FBXO31: variants seen among roughly 807,000 people sequenced by gnomAD.
The protein encoded by FBXO31 is F-box only protein 31.
Under a neutral mutation model 54.4 loss-of-function variants are expected in FBXO31, and 24 were observed. The ratio of observed to expected loss-of-function variants is 0.44; its 90% CI spans 0.32 to 0.62. The LOEUF is 0.62. Among genes scored for constraint, FBXO31 ranks in the 20% least tolerant of loss-of-function variants. FBXO31 has a pLI of 0.05. For missense variants in FBXO31, 665 were observed against 787.1 expected (o/e 0.84, Z 1.86); for synonymous variants, 388 against 335.6 (o/e 1.16, Z -1.71).
intron 2 of FBXO31, among the ~76,000 whole-genome samples, chr16:87,351,329 T>C (rs954105288): frequency 1.1e-4 from 16 of 152,148 alleles, no homozygotes; most frequent in African/African-American, 3.6e-4. Context: ...GCCTCACCAT[T>C]TTTATTATAA....
rs1905054116 is a variant in FBXO31 at position 87,336,660 on chromosome 16, T to C, written c.733-396A>G. Among the ~76,000 whole-genome samples, 1 of 152,190 alleles carries C rather than the reference T, an allele frequency of 6.6e-6. No homozygotes were observed. Among genetic ancestry groups the C allele is most frequent in the Non-Finnish European group, 1.5e-5 (1 of 68,024 alleles). Reference sequence around the variant, plus strand: ...TGCACAGCACAGCCCCTCAGCCTGCTTCTCTGGCTCCTGGGAGCCTGAGTG... The same window carrying C: ...TGCACAGCACAGCCCCTCAGCCTGCCTCTCTGGCTCCTGGGAGCCTGAGTG... On this transcript the variant is annotated intron_variant, in intron 5 of 8. Transcript: ENST00000311635. The surrounding 1 kb of genome is among the most constrained non-coding windows in gnomAD (Gnocchi z 6.5).
chr16:87,347,294 GT>G, intron 2 of FBXO31, 44 bp from the exon 3 acceptor site: 1 of 1,573,410 alleles, frequency 6.4e-7, no homozygotes, highest in Non-Finnish European at 8.7e-7. Context: ...TAGACCCAGC[GT>G]GCCGCAGGGA....
intron 2 of FBXO31, among the ~76,000 whole-genome samples, chr16:87,357,322 C>T (rs183896708): frequency 4.8e-4 from 70 of 146,566 alleles, no homozygotes; most frequent in African/African-American, 1.6e-3. Flanking sequence ...CAAAAGAATT[C>T]GGTTCTTTTT....
At chr16:87,390,581 C>CA (rs1423860068), upstream of FBXO31, among the ~76,000 whole-genome samples, 2 of 151,576 alleles carry the variant, frequency 1.3e-5, no homozygotes, top group Non-Finnish European at 2.9e-5. Flanking sequence ...GCTGGGATTA[C>CA]AGGCGCCTGC....
Position 87,383,436 on chromosome 16 carries a change from G to C in FBXO31, c.309C>G (p.Thr103=), listed in dbSNP as rs1196982261. 1.9e-6 allele frequency: 3 copies of C among 1,582,810 alleles called. No individual in the cohort carries two copies. The South Asian group carries it at 3.5e-5, about 18-fold the overall frequency. The change falls in exon 1 of 9, where the codon ACC becomes ACG. Residue 103 remains threonine, a synonymous_variant. Coordinates refer to ENST00000311635, the MANE Select transcript of FBXO31 (RefSeq NM_024735.5). The surrounding 1 kb of genome is among the most constrained non-coding windows in gnomAD (Gnocchi z 4.9). ...VCTKFRRILH[T]DTIWRRRCRE... ...GGCAACGCCTCCTCCAGATGGTGTC[G>C]GTGTGGAGGATGCGCCGGAACTTCG...
intron 1 of FBXO31, chr16:87,388,860 G>C (rs1172262549): frequency 6.6e-6 from 1 of 152,204 alleles, no homozygotes; most frequent in African/African-American, 2.4e-5. Context: ...AAAACACTGA[G>C]TAAATTAAAA....
chr16:87,331,387 G>C lies in FBXO31; in HGVS notation c.1521C>G (p.Ser507Arg). 6.2e-7 allele frequency: 1 copy of C among 1,613,964 alleles called. No homozygotes were observed. Among genetic ancestry groups the C allele is most frequent in the Non-Finnish European group, 8.5e-7 (1 of 1,180,042 alleles). Reference protein sequence around the residue: ...GFVWLELKSFSLYSRVQATFR... With the variant: ...GFVWLELKSFRLYSRVQATFR... Reference sequence around the variant, plus strand: ...AGGTGGCCTGGACCCGGCTGTACAGGCTGAAGGATTTCAGCTCCAGCCAGA... The same window carrying C: ...AGGTGGCCTGGACCCGGCTGTACAGCCTGAAGGATTTCAGCTCCAGCCAGA... The change falls in exon 9 of 9, where the codon AGC (serine) becomes AGG (arginine). Residue 507 changes from serine (S) to arginine (R), a missense_variant. Ser to Arg is a moderately radical substitution (Grantham distance 110). This residue lies in a region of FBXO31 where 71 missense variants were observed against 105.8 expected (regional missense o/e 0.67). Transcript: ENST00000311635.
chr16:87,331,443 T>C lies in FBXO31; in HGVS notation c.1465A>G (p.Ile489Val). ...TSPERTPGVFILFDEDRFGFV... is the reference protein window; with the variant it reads ...TSPERTPGVFVLFDEDRFGFV... ...CCGAAGCGGTCCTCATCGAAGAGGA[T>C]GAAGACCCCGGGGGTGCGTTCAGGG... Residue 489 changes from isoleucine (I) to valine (V), a missense_variant, in exon 9 of 9, where the codon ATC (isoleucine) becomes GTC (valine). By Grantham distance (29) the Ile-to-Val change is conservative. This residue lies in a region of FBXO31 where 71 missense variants were observed against 105.8 expected (regional missense o/e 0.67). Transcript: ENST00000311635. 1 of 1,613,714 alleles carries C rather than the reference T, an allele frequency of 6.2e-7. No individual in the cohort carries two copies. Among genetic ancestry groups the C allele is most frequent in the Non-Finnish European group, 8.5e-7 (1 of 1,179,962 alleles).
At chr16:87,373,658 G>A (rs541475046) in intron 1 of FBXO31, among the ~76,000 whole-genome samples, 329 of 151,960 alleles carry the variant, frequency 2.2e-3, no homozygotes, top group South Asian at 8.5e-3. Context: ...TCAGCCTCCG[G>A]AGGAACTGGG....
chr16:87,361,691 T>C (rs1234132930), intron 1 of FBXO31, among the ~76,000 whole-genome samples: 1 of 152,204 alleles, frequency 6.6e-6, no homozygotes, highest in East Asian at 1.9e-4. Context: ...CATCCCTTCT[T>C]TTCAATAGCA....
At chr16:87,349,581 A>C (rs1299744730) in intron 2 of FBXO31, among the ~76,000 whole-genome samples, 1 of 152,128 alleles carries the variant, frequency 6.6e-6, no homozygotes, top group Admixed American at 6.6e-5. Context: ...CATAGTGGCA[A>C]GTGCCTGTAA....
rs934289020 is a variant in FBXO31, at chr16:87,383,048, C to G, written c.340+357G>C. Among the ~76,000 whole-genome samples, 1 of 152,128 alleles carries G rather than the reference C, an allele frequency of 6.6e-6. No homozygotes were observed. Among genetic ancestry groups the G allele is most frequent in the Non-Finnish European group, 1.5e-5 (1 of 68,002 alleles). On this transcript the variant is annotated intron_variant, in intron 1 of 8. Coordinates refer to ENST00000311635, the MANE Select transcript of FBXO31 (RefSeq NM_024735.5). The surrounding 1 kb of genome is among the most constrained non-coding windows in gnomAD (Gnocchi z 4.9). ...CCCCCAGGCGTCAGCTTAGGCCCCG[C>G]GCAGACCTCGAGGGATCCCAGCCCC... is the stretch of plus-strand genomic sequence containing the variant.
intron 1 of FBXO31, chr16:87,362,683 C>A (rs1378505513): frequency 6.6e-6 from 1 of 152,390 alleles, no homozygotes; most frequent in Non-Finnish European, 1.5e-5. Context: ...GCCTCACCCT[C>A]CTGAGTAGCT....
chr16:87,364,082 T>C (rs1226244072), intron 1 of FBXO31, among the ~76,000 whole-genome samples: 2 of 152,078 alleles, frequency 1.3e-5, no homozygotes, highest in East Asian at 1.9e-4. Flanking sequence ...TCCATTATAA[T>C]CTTATTTTGG....
chr16:87,384,040 A>G (rs1907228402), upstream of FBXO31: 1 of 183,428 alleles, frequency 5.5e-6, no homozygotes, highest in African/African-American at 2.4e-5. Flanking sequence ...GTGAGGCTCG[A>G]ACTCACGACC....
In FBXO31 at chr16:87,336,677, GC is replaced by G. The variant is rs1597358802; in HGVS notation, c.733-414del. On this transcript the variant is annotated intron_variant, in intron 5 of 8. Coordinates refer to ENST00000311635, the MANE Select transcript of FBXO31 (RefSeq NM_024735.5). The surrounding 1 kb of genome is among the most constrained non-coding windows in gnomAD (Gnocchi z 6.5). ...CAGCCTGCTTCTCTGGCTCCTGGGA[GC>G]CTGAGTGTTCCAGAAGCCCTCACCA... is the stretch of plus-strand genomic sequence containing the variant. 6.6e-6 allele frequency among the ~76,000 whole-genome samples: 1 copy of G among 152,150 alleles called. No individual in the cohort carries two copies. The highest frequency in any genetic ancestry group is 2.4e-5 in the African/African-American group (1 of 41,432).
At position 87,342,459 on chromosome 16, in the gene FBXO31, G is replaced by A. The variant is rs962858685; in HGVS notation, c.732+418C>T. Reference sequence around the variant, plus strand: ...CAAACAATCACACACAGGCTTCCCCGCTGCACTGGCACGATCCGGAAGCCT... The same window carrying A: ...CAAACAATCACACACAGGCTTCCCCACTGCACTGGCACGATCCGGAAGCCT... On this transcript the variant is annotated intron_variant, in intron 5 of 8. Coordinates refer to ENST00000311635, the MANE Select transcript of FBXO31 (RefSeq NM_024735.5). Among the ~76,000 whole-genome samples, 5 of 152,266 alleles carry A rather than the reference G, an allele frequency of 3.3e-5. No homozygotes were observed. In the South Asian group the frequency reaches 6.2e-4, roughly 19 times the overall value.
At position 87,383,605 on chromosome 16, in the gene FBXO31, C is replaced by G; in HGVS notation, c.140G>C (p.Ser47Thr). Reference protein sequence around the residue: ...TDPEEERIEASAGVGGGLCAG... With the variant: ...TDPEEERIEATAGVGGGLCAG... ...GCACAAGCCGCCCCCGACCCCGGCG[C>G]TAGCCTCGATGCGCTCCTCCTCGGG... Residue 47 changes from serine (S) to threonine (T), a missense_variant, in exon 1 of 9, where the codon AGC becomes ACC. Ser to Thr is a moderately conservative substitution (Grantham distance 58). Transcript: ENST00000311635. This position sits in a 1 kb window ranked among gnomAD's most constrained non-coding sequence, Gnocchi z 4.9. 1.4e-6 allele frequency: 2 copies of G among 1,470,656 alleles called. No homozygotes were observed. The highest frequency in any genetic ancestry group is 1.8e-6 in the Non-Finnish European group (2 of 1,116,612). 91.1% of individuals were successfully genotyped at this position (1,470,656 alleles called of 1,614,324 possible). A position where few individuals can be genotyped will look rare whatever the true frequency, so the allele number is the denominator to read the frequency against.
chr16:87,365,687 G>C (rs925347415), intron 1 of FBXO31, among the ~76,000 whole-genome samples: 4 of 152,208 alleles, frequency 2.6e-5, no homozygotes, highest in Non-Finnish European at 5.9e-5. Flanking sequence ...AAAGTTCTGA[G>C]CAAAATACAC....
Sources: allele counts gnomAD v4.1 joint callset (sites outside exome capture counted in the v4.1 genomes callset), GRCh38; gene constraint gnomAD v4.1.1; regional missense constraint gnomAD v4.1.1; non-coding constraint Gnocchi (gnomAD v3.1); transcripts MANE v1.5; gene names NCBI Gene and HGNC (gene_info 2026-07-23, HGNC 2026-07-21).